SH3GL2: variants seen among roughly 807,000 people sequenced by gnomAD.
SH3GL2 encodes the protein SH3 domain containing GRB2 like 2, endophilin A1.
Under a neutral mutation model 46.0 loss-of-function variants are expected in SH3GL2, and 24 were observed. That is an observed-to-expected ratio of 0.52 (90% CI 0.38 to 0.73). The LOEUF (loss-of-function observed/expected upper bound fraction) is 0.73, where lower values mean the gene tolerates loss of function less well. Ranked by LOEUF, SH3GL2 falls within the 30% of genes least tolerant of loss-of-function variation. SH3GL2 has a pLI of 0.00. For synonymous variants in SH3GL2, 196 were observed against 147.1 expected, an observed-to-expected ratio of 1.33 and a Z score of -2.40; for missense variants, 413 against 424.2, an observed-to-expected ratio of 0.97 and a Z score of 0.23.
chr9:17,672,257 AT>A (rs1820493425), intron 1 of SH3GL2, among the ~76,000 whole-genome samples: 1 of 152,158 alleles, frequency 6.6e-6, no homozygotes, highest in Non-Finnish European at 1.5e-5. Flanking sequence ...GGAAAGGAAA[AT>A]TTTAGAAATC....
Position 17,761,464 on chromosome 9 carries a change from A to G in SH3GL2, c.142A>G (p.Met48Val). ...RKVDVTSRAVMEIMTKTIEYL... is the reference protein window; with the variant it reads ...RKVDVTSRAVVEIMTKTIEYL... The stretch of plus-strand genomic sequence containing the variant: ...AGTGGATGTCACCAGCAGGGCTGTG[A>G]TGGAAATAATGACTAAAACAATTGA... Residue 48 changes from methionine to valine, a missense_variant, in exon 3 of 9, where the codon ATG (methionine) becomes GTG (valine). Met to Val is a conservative substitution (Grantham distance 21). This residue lies in a region of SH3GL2 where 160 missense variants were observed against 192.3 expected (regional missense o/e 0.83). Transcript: ENST00000380607. The G allele has an allele frequency of 1.2e-6, 2 of 1,608,566 alleles. No homozygotes were observed. Among genetic ancestry groups the G allele is most frequent in the Non-Finnish European group, 1.7e-6 (2 of 1,174,854 alleles).
Position 17,790,303 on chromosome 9 carries a change from C to A in SH3GL2, c.624+753C>A, listed in dbSNP as rs115815258. The A allele has an allele frequency of 3.0e-3, 827 of 272,880 alleles. 8 individuals are homozygous for A. Among genetic ancestry groups the A allele is most frequent in the African/African-American group, 0.017 (762 of 43,768 alleles). The allele number at this position is 272,880 out of a possible 1,614,324, so 16.9% of individuals were successfully genotyped here. A position where few individuals can be genotyped will look rare whatever the true frequency, so the allele number is the denominator to read the frequency against. ...CCAGTCTCCTCTGGAAACACCCTAA[C>A]AGACACACCCAGAAATAATGCTTTA... On this transcript the variant is annotated intron_variant, in intron 6 of 8. Coordinates refer to ENST00000380607, the MANE Select transcript of SH3GL2 (RefSeq NM_003026.5).
At chr9:17,638,317 A>G (rs1196615552) in intron 1 of SH3GL2, among the ~76,000 whole-genome samples, 1 of 152,152 alleles carries the variant, frequency 6.6e-6, no homozygotes, top group Non-Finnish European at 1.5e-5. Context: ...TATTATCCAG[A>G]TATTTATTGG....
chr9:17,663,606 C>T (rs1038315708), intron 1 of SH3GL2, among the ~76,000 whole-genome samples: 1 of 152,144 alleles, frequency 6.6e-6, no homozygotes, highest in African/African-American at 2.4e-5. Flanking sequence ...TAGTCCGTTT[C>T]GTAGCTACCT....
chr9:17,649,547 C>T (rs1819905482), intron 1 of SH3GL2, among the ~76,000 whole-genome samples: 1 of 152,072 alleles, frequency 6.6e-6, no homozygotes, highest in Admixed American at 6.5e-5. Context: ...TTTAAAAGGG[C>T]ATTGGTAAAT....
Position 17,641,771 on chromosome 9 carries a change from T to C in SH3GL2, c.45+62484T>C, listed in dbSNP as rs201705656. On this transcript the variant is annotated intron_variant, in intron 1 of 8. Coordinates refer to ENST00000380607, the MANE Select transcript of SH3GL2 (RefSeq NM_003026.5). ...CATGTCCCTGCAAAGGATATGAACT[T>C]ATCCTTTTTTGTGGCTGCATAGTAT... Among the ~76,000 whole-genome samples the C allele has an allele frequency of 2.0e-5, 3 of 152,256 alleles. No individual in the cohort carries two copies. In the East Asian group the frequency reaches 5.8e-4, roughly 29 times the overall value.
chr9:17,702,766 C>T (rs1314821523), intron 1 of SH3GL2, among the ~76,000 whole-genome samples: 1 of 151,826 alleles, frequency 6.6e-6, no homozygotes. Context: ...AAATAATGTC[C>T]ACCGAAATAT....
chr9:17,614,639 C>G (rs1018203277), intron 1 of SH3GL2, among the ~76,000 whole-genome samples: 1 of 152,108 alleles, frequency 6.6e-6, no homozygotes, highest in Non-Finnish European at 1.5e-5. Context: ...AGTATGACAA[C>G]CTTGTGAGCT....
intron 3 of SH3GL2, among the ~76,000 whole-genome samples, chr9:17,776,648 G>C (rs1823647340): frequency 6.8e-6 from 1 of 147,484 alleles, no homozygotes; most frequent in Non-Finnish European, 1.5e-5. Context: ...TTTGTACTTT[G>C]CATTTTCAAA....
intron 1 of SH3GL2, among the ~76,000 whole-genome samples, chr9:17,698,476 AT>A (rs1266562617): frequency 6.6e-6 from 1 of 152,180 alleles, no homozygotes; most frequent in Admixed American, 6.5e-5. Context: ...CTTGGAAAGT[AT>A]TTTTTTAAAT....
intron 1 of SH3GL2, 75 bp downstream of exon 1, chr9:17,579,362 C>T (rs1478656589): frequency 4.6e-6 from 5 of 1,082,812 alleles, no homozygotes; most frequent in Non-Finnish European, 6.4e-6. Flanking sequence ...GCTGGCCGTC[C>T]GGCGGCAGCT....
intron 1 of SH3GL2, among the ~76,000 whole-genome samples, chr9:17,641,489 G>A (rs1819680741): frequency 6.6e-6 from 1 of 152,136 alleles, no homozygotes; most frequent in African/African-American, 2.4e-5. Flanking sequence ...TGTGGAGAAT[G>A]TGCAGGTTTG....
intron 1 of SH3GL2, among the ~76,000 whole-genome samples, chr9:17,614,926 C>T (rs966761728): frequency 4.6e-5 from 7 of 152,306 alleles, no homozygotes; most frequent in East Asian, 3.9e-4. Flanking sequence ...CAAAAGGCTC[C>T]GCGACAGCAT....
chr9:17,745,531 C>G (rs1822658628), intron 1 of SH3GL2, among the ~76,000 whole-genome samples: 1 of 152,070 alleles, frequency 6.6e-6, no homozygotes, highest in Non-Finnish European at 1.5e-5. Context: ...CCTATTTCTA[C>G]TGATGGGATG....
At chr9:17,702,387 T>C (rs1345039714) in intron 1 of SH3GL2, among the ~76,000 whole-genome samples, 3 of 151,518 alleles carry the variant, frequency 2.0e-5, no homozygotes, top group Admixed American at 6.6e-5. Flanking sequence ...ACCCAGAAAC[T>C]ATAAAGGAAA....
intron 1 of SH3GL2, among the ~76,000 whole-genome samples, chr9:17,701,593 G>C (rs991101562): frequency 9.2e-5 from 14 of 152,148 alleles, no homozygotes; most frequent in African/African-American, 3.4e-4. Flanking sequence ...ACAACATGAC[G>C]AACAATAAGC....
chr9:17,666,430 G>C (rs1394746114), intron 1 of SH3GL2, among the ~76,000 whole-genome samples: 3 of 151,918 alleles, frequency 2.0e-5, no homozygotes, highest in African/African-American at 7.3e-5. Context: ...CCTAGTTCCT[G>C]TTACCTATAG....
chr9:17,603,998 G>T (rs1472186229), intron 1 of SH3GL2, among the ~76,000 whole-genome samples: 1 of 152,202 alleles, frequency 6.6e-6, no homozygotes, highest in African/African-American at 2.4e-5. Flanking sequence ...TAGAAAAAAG[G>T]GTGAGTCAGT....
At chr9:17,640,819 T>C (rs1342553546) in intron 1 of SH3GL2, among the ~76,000 whole-genome samples, 1 of 152,240 alleles carries the variant, frequency 6.6e-6, no homozygotes, top group Non-Finnish European at 1.5e-5. Context: ...GATATTCAGG[T>C]CAGCTTTAAC....
Sources: allele counts gnomAD v4.1 joint callset (sites outside exome capture counted in the v4.1 genomes callset), GRCh38; gene constraint gnomAD v4.1.1; regional missense constraint gnomAD v4.1.1; transcripts MANE v1.5; gene names NCBI Gene and HGNC (gene_info 2026-07-23, HGNC 2026-07-21).